Variants in BCL9 observed in about 807,000 individuals in gnomAD.
BCL9 encodes B-cell CLL/lymphoma 9 protein.
Under a neutral mutation model 88.5 loss-of-function variants are expected in BCL9, and 25 were observed. The ratio of observed to expected loss-of-function variants is 0.28; its 90% CI spans 0.21 to 0.39. BCL9 has a LOEUF of 0.39. Among genes scored for constraint, BCL9 ranks in the 10% least tolerant of loss-of-function variants. The pLI, the probability that BCL9 is intolerant of heterozygous loss-of-function variation, is 1.00. For synonymous variants in BCL9, 711 were observed against 673.3 expected (o/e 1.06, Z -0.87); for missense variants, 1,817 against 1,877.8 (o/e 0.97, Z 0.60).
At chr1:147,574,746 T>C (rs899554099) in intron 1 of BCL9, among the ~76,000 whole-genome samples, 8 of 152,222 alleles carry the variant, frequency 5.3e-5, no homozygotes, top group Non-Finnish European at 1.2e-4. Context: ...ATTTGTTTCA[T>C]GTCTGATTAA....
chr1:147,590,909 C>G (rs1225878337), intron 1 of BCL9, among the ~76,000 whole-genome samples: 1 of 152,200 alleles, frequency 6.6e-6, no homozygotes, highest in African/African-American at 2.4e-5. Context: ...TCATAAGGAT[C>G]AAGTGTGGCT....
intron 1 of BCL9, among the ~76,000 whole-genome samples, chr1:147,579,433 A>T (rs587736856): frequency 6.6e-6 from 1 of 152,204 alleles, no homozygotes. Flanking sequence ...GATGGTGCTT[A>T]ATAAATGCTT....
chr1:147,624,865 T>TC lies in BCL9; in HGVS notation c.4193dup (p.Gln1399ThrfsTer10). The TC allele has an allele frequency of 2.5e-6, 4 of 1,613,800 alleles. No homozygotes were observed. Among genetic ancestry groups the TC allele is most frequent in the Middle Eastern group, 1.6e-4 (1 of 6,062 alleles). ...ATGGGACCCCAACAGAACATCATGATCCCCCCACAGATGAGGCCCCGGGGC... is the reference window on the plus strand; with the variant it reads ...ATGGGACCCCAACAGAACATCATGATCCCCCCCACAGATGAGGCCCCGGGGC... On this transcript the variant is annotated frameshift_variant, in exon 10 of 10. Coordinates refer to ENST00000234739, the MANE Select transcript of BCL9 (RefSeq NM_004326.4). LOFTEE classifies it high-confidence loss of function. The surrounding 1 kb of genome is among the most constrained non-coding windows in gnomAD (Gnocchi z 4.4).
chr1:147,607,283 G>T (rs1200953578), intron 3 of BCL9, among the ~76,000 whole-genome samples: 6 of 152,136 alleles, frequency 3.9e-5, no homozygotes, highest in Admixed American at 3.9e-4. Flanking sequence ...AAATAATGCT[G>T]CAGTGAACAT....
intron 1 of BCL9, among the ~76,000 whole-genome samples, chr1:147,598,402 T>C (rs1553200691): frequency 6.6e-6 from 1 of 152,228 alleles, no homozygotes; most frequent in Non-Finnish European, 1.5e-5. Flanking sequence ...TCATAGGATC[T>C]AAGCAGGGGA....
At chr1:147,607,919 A>G (rs1570897942) in intron 3 of BCL9, among the ~76,000 whole-genome samples, 1 of 152,202 alleles carries the variant, frequency 6.6e-6, no homozygotes, top group South Asian at 2.1e-4. Context: ...AGTTGTTGGC[A>G]TGGAGAGAAC....
rs1658179896 is a variant in BCL9 at position 147,614,625 on chromosome 1, A to C, written c.560+9A>C. ...ACTGAGATGGCCAATAAGTAAGTTG[A>C]TGGCTGTGTCTTGCTGTTGGGCAGG... On this transcript the variant is annotated intron_variant, in intron 6 of 9. Coordinates refer to ENST00000234739, the MANE Select transcript of BCL9 (RefSeq NM_004326.4). 21 of 1,604,796 alleles carry C rather than the reference A, an allele frequency of 1.3e-5. No individual in the cohort carries two copies. In the East Asian group the frequency reaches 4.5e-4, roughly 34 times the overall value.
intron 1 of BCL9, among the ~76,000 whole-genome samples, chr1:147,580,432 A>G (rs1553198498): frequency 1.3e-5 from 2 of 152,142 alleles, no homozygotes; most frequent in Non-Finnish European, 2.9e-5. Context: ...TGGGTAGAAG[A>G]TTCTCCTTGG....
intron 1 of BCL9, among the ~76,000 whole-genome samples, chr1:147,573,207 T>G (rs1476644541): frequency 1.3e-5 from 2 of 152,150 alleles, no homozygotes; most frequent in South Asian, 4.1e-4. Context: ...TCCCAGCACT[T>G]TGGGAGGACC....
In BCL9 at chr1:147,624,801, G is replaced by C; in HGVS notation, c.4123G>C (p.Val1375Leu). 1 of 1,614,144 alleles carries C rather than the reference G, an allele frequency of 6.2e-7. No individual in the cohort carries two copies. The highest frequency in any genetic ancestry group is 8.5e-7 in the Non-Finnish European group (1 of 1,180,002). The change falls in exon 10 of 10, where the codon GTG (valine) becomes CTG (leucine). Residue 1375 changes from valine to leucine, a missense_variant. Transcript: ENST00000234739. This position sits in a 1 kb window ranked among gnomAD's most constrained non-coding sequence, Gnocchi z 4.4. ...CGGGCTCTACACCCACCCTGGGCCT[G>C]TGGGCTCTCCAGGCATGATGATGTC... The part of the protein sequence containing the change: ...PAGLYTHPGP[V>L]GSPGMMMSMQ...
chr1:147,579,794 C>G (rs1358823554), intron 1 of BCL9, among the ~76,000 whole-genome samples: 1 of 152,148 alleles, frequency 6.6e-6, no homozygotes, highest in Admixed American at 6.5e-5. Flanking sequence ...ACGGCACTCA[C>G]AGGAATGCTA....
chr1:147,615,633 A>G (rs1658238912), intron 6 of BCL9, among the ~76,000 whole-genome samples, 170 bp from the exon 7 acceptor site: 1 of 152,342 alleles, frequency 6.6e-6, no homozygotes, highest in African/African-American at 2.4e-5. Flanking sequence ...ATAAGTGGTA[A>G]ATATAAATAA....
At position 147,619,197 on chromosome 1, in the gene BCL9, C is replaced by A; in HGVS notation, c.1042C>A (p.Pro348Thr). The A allele has an allele frequency of 6.2e-7, 1 of 1,613,848 alleles. No individual in the cohort carries two copies. Among genetic ancestry groups the A allele is most frequent in the Non-Finnish European group, 8.5e-7 (1 of 1,179,826 alleles). ...SGEPPTLGEN[P>T]DGLSQEQLEH... is the part of the protein sequence containing the mutation. ...CGAGCCCCCCACACTGGGAGAGAAT[C>A]CCGATGGCCTATCTCAGGAGCAGCT... Residue 348 changes from proline (P) to threonine (T), a missense_variant, in exon 8 of 10, where the codon CCC becomes ACC. By Grantham distance (38) the Pro-to-Thr change is conservative. Coordinates refer to ENST00000234739, the MANE Select transcript of BCL9 (RefSeq NM_004326.4). The surrounding 1 kb of genome is among the most constrained non-coding windows in gnomAD (Gnocchi z 4.1).
At chr1:147,596,181 G>C (rs1012704277) in intron 1 of BCL9, among the ~76,000 whole-genome samples, 1 of 152,114 alleles carries the variant, frequency 6.6e-6, no homozygotes, top group Non-Finnish European at 1.5e-5. Flanking sequence ...AAGGAGGTGG[G>C]AAAATTGATT....
intron 3 of BCL9, among the ~76,000 whole-genome samples, chr1:147,611,227 AAAAG>A (rs1365548950): frequency 1.3e-5 from 2 of 152,216 alleles, no homozygotes; most frequent in African/African-American, 4.8e-5. Flanking sequence ...TTGTTTTGAA[AAAAG>A]AAAGACACAA....
At chr1:147,575,870 A>G (rs1293855160) in intron 1 of BCL9, among the ~76,000 whole-genome samples, 1 of 121,198 alleles carries the variant, frequency 8.3e-6, no homozygotes, top group African/African-American at 4.9e-5. Context: ...TTTATACATC[A>G]CTGGATTCTG....
At chr1:147,556,163 G>A (rs1203651572) in intron 1 of BCL9, among the ~76,000 whole-genome samples, 1 of 151,912 alleles carries the variant, frequency 6.6e-6, no homozygotes, top group Non-Finnish European at 1.5e-5. Context: ...GTGTTGTCTG[G>A]GCTGGAGTGC....
At chr1:147,551,483 G>C (rs1553194823) in intron 1 of BCL9, among the ~76,000 whole-genome samples, 1 of 152,206 alleles carries the variant, frequency 6.6e-6, no homozygotes, top group African/African-American at 2.4e-5. Flanking sequence ...GTTTTGGATA[G>C]GGTACTGTTA....
chr1:147,563,683 T>C (rs1655482337), intron 1 of BCL9, among the ~76,000 whole-genome samples: 1 of 152,250 alleles, frequency 6.6e-6, no homozygotes, highest in Admixed American at 6.5e-5. Flanking sequence ...CCTGAGATCA[T>C]CTACTTGGTA....
Sources: allele counts gnomAD v4.1 joint callset (sites outside exome capture counted in the v4.1 genomes callset), GRCh38; gene constraint gnomAD v4.1.1; non-coding constraint Gnocchi (gnomAD v3.1); transcripts MANE v1.5; gene names NCBI Gene and HGNC (gene_info 2026-07-23, HGNC 2026-07-21).